The following SLC5A1 variants were observed in gnomAD, a reference collection of about 807,000 sequenced individuals.
SLC5A1 encodes the protein sodium/glucose cotransporter 1.
In SLC5A1, 42 loss-of-function variants were observed where a neutral mutation model predicts 73.5. The observed-to-expected ratio is 0.57, with a 90% CI of 0.45 to 0.74. SLC5A1 has a LOEUF of 0.74. Among genes scored for constraint, SLC5A1 ranks in the 30% least tolerant of loss-of-function variants. The pLI is 0.00. For synonymous variants in SLC5A1, 300 were observed against 317.4 expected, an observed-to-expected ratio of 0.95 and a Z score of 0.58; for missense variants, 634 against 855.4, an observed-to-expected ratio of 0.74 and a Z score of 3.23.
intron 2 of SLC5A1, among the ~76,000 whole-genome samples, chr22:32,052,970 C>T (rs2093946985): frequency 6.6e-6 from 1 of 152,140 alleles, no homozygotes; most frequent in African/African-American, 2.4e-5. Context: ...AAGCCTGCCT[C>T]CAGCAGTGCT....
chr22:32,093,588 CT>C (rs557285566), intron 11 of SLC5A1, among the ~76,000 whole-genome samples: 30 of 146,650 alleles, frequency 2.0e-4, no homozygotes, highest in South Asian at 6.4e-4. Context: ...CTCTCTCTTT[CT>C]TTTTTTTTTG....
intron 12 of SLC5A1, among the ~76,000 whole-genome samples, chr22:32,101,263 A>AG (rs1322661992): frequency 1.3e-5 from 2 of 152,080 alleles, no homozygotes; most frequent in African/African-American, 4.8e-5. Context: ...TGCCAAACTC[A>AG]AACCTAGTCC....
chr22:32,068,435 T>C, intron 4 of SLC5A1, 61 bp from the exon 5 acceptor site: 1 of 998,048 alleles, frequency 1.0e-6, no homozygotes, highest in Admixed American at 1.7e-5. Context: ...GTCACTGTTC[T>C]GTCTGCTCTG....
Position 32,043,509 on chromosome 22 carries a change from G to T in SLC5A1, c.135+93G>T, listed in dbSNP as rs1422941862. ...GCTGCAAGGGGCAGTAGGCTTAAGT[G>T]TCGGTGGAGGGGAGAGGAAATGACT... On this transcript the variant is annotated intron_variant, in intron 1 of 14. Coordinates refer to ENST00000266088, the MANE Select transcript of SLC5A1 (RefSeq NM_000343.4). The surrounding 1 kb of genome is among the most constrained non-coding windows in gnomAD (Gnocchi z 6.5). 7.3e-7 allele frequency: 1 copy of T among 1,366,316 alleles called. No homozygotes were observed. Among genetic ancestry groups the T allele is most frequent in the African/African-American group, 1.4e-5 (1 of 70,312 alleles). The allele number at this position is 1,366,316 out of a possible 1,614,324, so 84.6% of individuals were successfully genotyped here. A position where few individuals can be genotyped will look rare whatever the true frequency, so the allele number is the denominator to read the frequency against.
intron 8 of SLC5A1, 99 bp downstream of exon 8, chr22:32,084,758 G>A (rs1269768862): frequency 1.2e-4 from 178 of 1,494,098 alleles, no homozygotes; most frequent in Non-Finnish European, 1.6e-4. Context: ...AGGGAGGGGA[G>A]AGCTCAGGTG....
chr22:32,096,314 G>A (rs941559785), intron 11 of SLC5A1, among the ~76,000 whole-genome samples: 1 of 152,146 alleles, frequency 6.6e-6, no homozygotes, highest in Non-Finnish European at 1.5e-5. Flanking sequence ...CATTTGGGTT[G>A]AGGCTCATCC....
chr22:32,044,195 G>A lies in SLC5A1; in HGVS notation c.135+779G>A, dbSNP rs748292917. On this transcript the variant is annotated intron_variant, in intron 1 of 14. Coordinates refer to ENST00000266088, the MANE Select transcript of SLC5A1 (RefSeq NM_000343.4). ...AGATGTTTTAAAAGTGTGCAGGACCGACTGTGGTGGTTCACTCCTGTAATC... is the reference window on the plus strand; with the variant it reads ...AGATGTTTTAAAAGTGTGCAGGACCAACTGTGGTGGTTCACTCCTGTAATC... Among the ~76,000 whole-genome samples the A allele has an allele frequency of 7.2e-5, 11 of 152,266 alleles. No homozygotes were observed. In the South Asian group the frequency reaches 8.3e-4, roughly 11 times the overall value.
At chr22:32,090,777 T>A (rs1350771261) in intron 10 of SLC5A1, among the ~76,000 whole-genome samples, 5 of 151,994 alleles carry the variant, frequency 3.3e-5, no homozygotes, top group East Asian at 3.9e-4. Context: ...ATATGGTAGC[T>A]GAATGTTTAA....
chr22:32,044,356 T>C lies in SLC5A1; in HGVS notation c.135+940T>C, dbSNP rs994801018. On this transcript the variant is annotated intron_variant, in intron 1 of 14. Coordinates refer to ENST00000266088, the MANE Select transcript of SLC5A1 (RefSeq NM_000343.4). ...AAATATATAAAATGTTTGCAGATGT[T>C]CCAGCCATTCTCGTGATTGTTATGG... 2.0e-5 allele frequency among the ~76,000 whole-genome samples: 3 copies of C among 152,154 alleles called. No individual in the cohort carries two copies. The South Asian group carries it at 6.2e-4, about 32-fold the overall frequency.
chr22:32,063,801 G>T lies in SLC5A1; in HGVS notation c.208-3134G>T, dbSNP rs532334619. On this transcript the variant is annotated intron_variant, in intron 2 of 14. Coordinates refer to ENST00000266088, the MANE Select transcript of SLC5A1 (RefSeq NM_000343.4). ...GCTAGGTGGCCATAATATTGTGAAG[G>T]CAGAGTCAGAGTTTTGGTAAATGAT... 2.6e-5 allele frequency among the ~76,000 whole-genome samples: 4 copies of T among 152,288 alleles called. No individual in the cohort carries two copies. The South Asian group carries it at 8.3e-4, about 32-fold the overall frequency.
chr22:32,068,472 T>G, intron 4 of SLC5A1, 24 bp from the exon 5 acceptor site: 1 of 1,512,398 alleles, frequency 6.6e-7, no homozygotes, highest in Non-Finnish European at 9.2e-7. Context: ...TGGCTGGCAG[T>G]GACCTCCCTC....
chr22:32,060,140 C>CAT (rs1569302232), intron 2 of SLC5A1, among the ~76,000 whole-genome samples: 69 of 9,882 alleles, frequency 7.0e-3, no homozygotes, highest in African/African-American at 0.017. Flanking sequence ...CATATATATA[C>CAT]ACATACACAC....
intron 1 of SLC5A1, among the ~76,000 whole-genome samples, chr22:32,046,971 G>T (rs1272341995): frequency 6.6e-6 from 1 of 152,184 alleles, no homozygotes; most frequent in Non-Finnish European, 1.5e-5. Flanking sequence ...TGTGCACAAG[G>T]CATTATGCCC....
At chr22:32,049,525 A>G (rs2093942501) in intron 1 of SLC5A1, among the ~76,000 whole-genome samples, 1 of 147,036 alleles carries the variant, frequency 6.8e-6, no homozygotes, top group South Asian at 2.2e-4. Context: ...GATTATAGGC[A>G]CATGCCACCA....
intron 10 of SLC5A1, among the ~76,000 whole-genome samples, chr22:32,090,102 A>G (rs1051957639): frequency 2.6e-4 from 13 of 49,706 alleles, no homozygotes; most frequent in Admixed American, 1.5e-4. Context: ...TTGTCTTTCA[A>G]AAAAAAAAAA....
chr22:32,051,408 C>T (rs2093944996), intron 2 of SLC5A1, among the ~76,000 whole-genome samples: 2 of 152,102 alleles, frequency 1.3e-5, no homozygotes, highest in Admixed American at 1.3e-4. Context: ...GTAATCCAGG[C>T]ATTTTGGGAG....
chr22:32,108,409 A>G (rs2094050166), intron 14 of SLC5A1, among the ~76,000 whole-genome samples: 1 of 152,112 alleles, frequency 6.6e-6, no homozygotes. Flanking sequence ...TGGCCATTCA[A>G]CTTTTTATTG....
At chr22:32,101,948 C>A in intron 12 of SLC5A1, 74 bp from the exon 13 acceptor site, 1 of 1,180,292 alleles carries the variant, frequency 8.5e-7, no homozygotes, top group Non-Finnish European at 1.3e-6. Context: ...CTGCCTATGC[C>A]TCTCCAAAGA....
At chr22:32,099,464 C>T (rs780540952) in intron 12 of SLC5A1, 113 bp downstream of exon 12, 29 of 1,056,864 alleles carry the variant, frequency 2.7e-5, no homozygotes, top group Middle Eastern at 3.0e-4. Flanking sequence ...TGAGCAGACA[C>T]GGATGTGCTG....
Sources: gnomAD v4.1 joint callset for allele counts (sites outside exome capture counted in the v4.1 genomes callset) on GRCh38, gnomAD v4.1.1 for gene constraint, Gnocchi (gnomAD v3.1) non-coding constraint, MANE v1.5 for transcripts, NCBI Gene and HGNC (gene_info 2026-07-23, HGNC 2026-07-21) for gene names.